UBAC2: variants seen among roughly 807,000 people sequenced by gnomAD.
UBAC2 encodes the protein UBA domain containing 2.
A neutral mutation model predicts 44.0 loss-of-function variants in UBAC2; 26 were observed. That is an observed-to-expected ratio of 0.59 (90% confidence interval 0.43 to 0.82). UBAC2 has a LOEUF of 0.82. Ranked by LOEUF, UBAC2 falls within the 40% of genes least tolerant of loss-of-function variation. The pLI is 0.00. For synonymous variants in UBAC2, 155 were observed against 154.3 expected, an observed-to-expected ratio of 1.00 and a Z score of -0.04; for missense variants, 329 against 419.4, an observed-to-expected ratio of 0.78 and a Z score of 1.88.
intron 4 of UBAC2, among the ~76,000 whole-genome samples, chr13:99,306,708 C>G (rs548024435): frequency 1.3e-5 from 2 of 152,230 alleles, no homozygotes; most frequent in South Asian, 4.1e-4. Context: ...TACGTTTAGT[C>G]TAAGTAAACA....
intron 1 of UBAC2, 52 bp downstream of exon 1, chr13:99,200,991 A>G (rs985070207): frequency 7.7e-7 from 1 of 1,293,458 alleles, no homozygotes. Context: ...CACCCTAGGC[A>G]CCTCTTTGAG....
chr13:99,338,047 C>CTTTTTCTTTTTTTTTTTTTTTTTT (rs2044821100), intron 6 of UBAC2, among the ~76,000 whole-genome samples: 1 of 48,850 alleles, frequency 2.0e-5, no homozygotes, highest in African/African-American at 7.1e-5. Context: ...TTCTTTTTTT[C>CTTTTTCTTTTTTTTTTTTTTTTTT]TTTTTTTTTT....
intron 7 of UBAC2, among the ~76,000 whole-genome samples, chr13:99,366,132 G>T (rs958338080): frequency 1.3e-5 from 2 of 151,992 alleles, no homozygotes; most frequent in Non-Finnish European, 2.9e-5. Context: ...GGTGAGAGTG[G>T]CTTCTGTTTC....
chr13:99,331,308 C>G (rs2044713436), intron 6 of UBAC2, among the ~76,000 whole-genome samples: 1 of 152,180 alleles, frequency 6.6e-6, no homozygotes, highest in Non-Finnish European at 1.5e-5. Context: ...AAATAAACTT[C>G]TCTTGTATTT....
At chr13:99,291,933 G>A (rs938862172) in intron 4 of UBAC2, among the ~76,000 whole-genome samples, 7 of 152,104 alleles carry the variant, frequency 4.6e-5, no homozygotes, top group African/African-American at 1.7e-4. Context: ...TAAGAGAAGA[G>A]GCACTTGCCC....
intron 1 of UBAC2, chr13:99,201,534 G>A: frequency 6.2e-7 from 1 of 1,614,218 alleles, no homozygotes. Context: ...GCTGGATGTT[G>A]CTGTTTTCCT....
At chr13:99,276,020 T>G (rs974656427) in intron 4 of UBAC2, among the ~76,000 whole-genome samples, 2 of 152,158 alleles carry the variant, frequency 1.3e-5, no homozygotes, top group African/African-American at 2.4e-5. Flanking sequence ...TTGACTTGAG[T>G]GGACAAATTT....
intron 8 of UBAC2, among the ~76,000 whole-genome samples, chr13:99,383,894 A>C (rs939127879): frequency 1.3e-5 from 2 of 152,192 alleles, no homozygotes; most frequent in Admixed American, 1.3e-4. Flanking sequence ...TCCCTCCCCC[A>C]CCTGCCTCTC....
intron 4 of UBAC2, among the ~76,000 whole-genome samples, chr13:99,275,250 C>G (rs912654914): frequency 1.3e-5 from 2 of 152,186 alleles, no homozygotes; most frequent in African/African-American, 4.8e-5. Flanking sequence ...TCAGGCTTTA[C>G]TGGGATTGGA....
At chr13:99,335,361 G>T (rs796826936) in intron 6 of UBAC2, among the ~76,000 whole-genome samples, 2 of 149,406 alleles carry the variant, frequency 1.3e-5, no homozygotes, top group African/African-American at 4.9e-5. Context: ...CTACTTCCTT[G>T]CCTCCAATTC....
At chr13:99,219,083 T>G (rs2142680293) in intron 1 of UBAC2, among the ~76,000 whole-genome samples, 1 of 152,310 alleles carries the variant, frequency 6.6e-6, no homozygotes, top group East Asian at 1.9e-4. Flanking sequence ...TACCAAATAG[T>G]TAAGTAGTCA....
intron 2 of UBAC2, among the ~76,000 whole-genome samples, 173 bp from the exon 3 acceptor site, chr13:99,243,659 C>T (rs552444837): frequency 3.2e-4 from 48 of 152,210 alleles, no homozygotes; most frequent in African/African-American, 1.1e-3. Context: ...GGAATTTTTA[C>T]TATGAGAGAC....
intron 6 of UBAC2, among the ~76,000 whole-genome samples, chr13:99,326,718 AG>A (rs984693771): frequency 7.2e-5 from 11 of 152,140 alleles, no homozygotes; most frequent in Non-Finnish European, 1.5e-4. Flanking sequence ...ACCAGGACAA[AG>A]GCCAGGTGTT....
intron 4 of UBAC2, among the ~76,000 whole-genome samples, chr13:99,289,456 G>A (rs1171756215): frequency 6.6e-6 from 1 of 152,260 alleles, no homozygotes; most frequent in Admixed American, 6.5e-5. Context: ...GGAGTCGAAA[G>A]TGTGGGAGAG....
chr13:99,288,554 A>G (rs1416821495), intron 4 of UBAC2, among the ~76,000 whole-genome samples: 1 of 152,232 alleles, frequency 6.6e-6, no homozygotes, highest in Non-Finnish European at 1.5e-5. Context: ...GATATGCATT[A>G]TCAGAGATAA....
At chr13:99,282,772 T>C (rs1378845430) in intron 4 of UBAC2, among the ~76,000 whole-genome samples, 1 of 152,204 alleles carries the variant, frequency 6.6e-6, no homozygotes, top group African/African-American at 2.4e-5. Context: ...TAGATCATTG[T>C]ATTGTTCTAA....
At chr13:99,380,374 T>A (rs565695067) in intron 8 of UBAC2, among the ~76,000 whole-genome samples, 87 of 152,294 alleles carry the variant, frequency 5.7e-4, no homozygotes, top group African/African-American at 1.8e-3. Flanking sequence ...GGACTGGGCG[T>A]GCTGGGCTTC....
intron 2 of UBAC2, among the ~76,000 whole-genome samples, chr13:99,243,519 A>G (rs7335403): frequency 0.56 from 85,155 of 151,840 alleles, 26,083 homozygotes; most frequent in Non-Finnish European, 0.71. Context: ...TAGTTTACGT[A>G]TATAATTTTA....
intron 1 of UBAC2, chr13:99,201,547 C>A (rs1415918882): frequency 1.9e-6 from 3 of 1,614,014 alleles, no homozygotes; most frequent in East Asian, 2.2e-5. Flanking sequence ...GTTTTCCTGG[C>A]GTGTTAGCGG....
Sources: gnomAD v4.1 joint callset for allele counts (sites outside exome capture counted in the v4.1 genomes callset) on GRCh38, gnomAD v4.1.1 for gene constraint, MANE v1.5 for transcripts, NCBI Gene and HGNC (gene_info 2026-07-23, HGNC 2026-07-21) for gene names.